Variants in TENM4 observed in about 807,000 individuals in gnomAD.
TENM4 encodes the protein teneurin transmembrane protein 4, also known as teneurin-4.
In TENM4, 82 loss-of-function variants were observed where a neutral mutation model predicts 243.3. The ratio of observed to expected loss-of-function variants is 0.34; its 90% CI spans 0.28 to 0.40. The LOEUF is 0.40. Among genes scored for constraint, TENM4 ranks in the 10% least tolerant of loss-of-function variants. TENM4 has a pLI of 1.00. For synonymous variants in TENM4, 1,412 were observed against 1,456.3 expected, an observed-to-expected ratio of 0.97 and a Z score of 0.69; for missense variants, 3,138 against 3,673.3, an observed-to-expected ratio of 0.85 and a Z score of 3.77.
At chr11:79,331,783 G>A (rs1339687536) in intron 1 of TENM4, among the ~76,000 whole-genome samples, 1 of 152,240 alleles carries the variant, frequency 6.6e-6, no homozygotes, top group Non-Finnish European at 1.5e-5. Flanking sequence ...CCTCGCAGGG[G>A]CTGAGAGCTC....
At chr11:79,402,847 G>C (rs984032708) in intron 1 of TENM4, among the ~76,000 whole-genome samples, 1 of 152,186 alleles carries the variant, frequency 6.6e-6, no homozygotes, top group Non-Finnish European at 1.5e-5. Flanking sequence ...TTCTTTGGTA[G>C]ACACTAGCAT....
intron 2 of TENM4, among the ~76,000 whole-genome samples, chr11:79,283,497 C>CCT (rs1856195708): frequency 6.6e-6 from 1 of 152,170 alleles, no homozygotes; most frequent in East Asian, 1.9e-4. Flanking sequence ...GGAAAAAGCA[C>CCT]TTCACAAAAT....
At chr11:78,884,740 C>G (rs148711825) in intron 9 of TENM4, among the ~76,000 whole-genome samples, 78 of 152,308 alleles carry the variant, frequency 5.1e-4, no homozygotes, top group Admixed American at 2.1e-3. Context: ...TTACAGCATA[C>G]AGGTTAAAAG....
At chr11:79,344,558 G>C (rs1408177065) in intron 1 of TENM4, among the ~76,000 whole-genome samples, 1 of 152,238 alleles carries the variant, frequency 6.6e-6, no homozygotes, top group Admixed American at 6.5e-5. Flanking sequence ...TGACCAGGTA[G>C]ACTGGCACTG....
At chr11:79,386,949 G>A (rs1228793300) in intron 1 of TENM4, among the ~76,000 whole-genome samples, 1 of 152,052 alleles carries the variant, frequency 6.6e-6, no homozygotes, top group Non-Finnish European at 1.5e-5. Context: ...ACATGCATAA[G>A]AATGTTCACC....
intron 3 of TENM4, among the ~76,000 whole-genome samples, chr11:79,208,740 T>C (rs901877722): frequency 9.2e-5 from 14 of 152,218 alleles, no homozygotes; most frequent in African/African-American, 2.9e-4. Context: ...GCACGGTGGC[T>C]GACATCTAAT....
intron 4 of TENM4, among the ~76,000 whole-genome samples, chr11:79,110,724 C>A (rs1861484106): frequency 6.6e-6 from 1 of 152,124 alleles, no homozygotes; most frequent in African/African-American, 2.4e-5. Flanking sequence ...CAGGCTCCCA[C>A]CTGGGAGGAT....
At position 79,131,860 on chromosome 11, in the gene TENM4, G is replaced by C. The variant is rs139060283; in HGVS notation, c.-66+16850C>G. 4.0e-3 allele frequency among the ~76,000 whole-genome samples: 601 copies of C among 152,104 alleles called. 2 individuals are homozygous for C. Among genetic ancestry groups the C allele is most frequent in the African/African-American group, 0.014 (562 of 41,476 alleles). ...GTGGGAAAAGGCATTTCATACAAAT[G>C]GACACCAAAAGCCAGCAGGGGTAGC... On this transcript the variant is annotated intron_variant, in intron 4 of 33. Transcript: ENST00000278550.
intron 2 of TENM4, among the ~76,000 whole-genome samples, chr11:79,268,906 T>C (rs1398666880): frequency 6.6e-6 from 1 of 152,226 alleles, no homozygotes; most frequent in Non-Finnish European, 1.5e-5. Context: ...ATGTGCTAGA[T>C]AAGCTTCATT....
intron 6 of TENM4, among the ~76,000 whole-genome samples, chr11:78,915,966 A>G (rs73500657): frequency 3.3e-5 from 5 of 152,204 alleles, no homozygotes; most frequent in Non-Finnish European, 7.4e-5. Context: ...GCAGTATTGC[A>G]TGGTGGGTAA....
chr11:78,995,345 T>C (rs1341413604), intron 6 of TENM4, among the ~76,000 whole-genome samples: 6 of 152,022 alleles, frequency 3.9e-5, no homozygotes, highest in Non-Finnish European at 8.8e-5. Flanking sequence ...GGGGGAGCCA[T>C]GGAAAGCTTT....
chr11:78,777,206 G>C (rs1856755659), intron 17 of TENM4, among the ~76,000 whole-genome samples: 1 of 152,162 alleles, frequency 6.6e-6, no homozygotes, highest in African/African-American at 2.4e-5. Flanking sequence ...TGTTTTTAAA[G>C]AGGCTAGGAA....
At chr11:79,289,768 T>G (rs544081869) in intron 2 of TENM4, among the ~76,000 whole-genome samples, 1 of 152,362 alleles carries the variant, frequency 6.6e-6, no homozygotes, top group East Asian at 1.9e-4. Context: ...TCTGCTTAGC[T>G]AATAGCTTGT....
chr11:79,401,981 G>C (rs762635345), intron 1 of TENM4: 1 of 369,448 alleles, frequency 2.7e-6, no homozygotes. Context: ...GATCCCTCAG[G>C]GAGGGTGTGC....
intron 3 of TENM4, among the ~76,000 whole-genome samples, chr11:79,171,260 AG>A (rs1455824348): frequency 6.6e-6 from 1 of 152,220 alleles, no homozygotes; most frequent in Non-Finnish European, 1.5e-5. Context: ...TGCCTCACCC[AG>A]TATATGGTAT....
rs890371748 is a variant in TENM4 at position 79,176,033 on chromosome 11, G to A, written c.-162-27227C>T. On this transcript the variant is annotated intron_variant, in intron 3 of 33. Coordinates refer to ENST00000278550, the MANE Select transcript of TENM4 (RefSeq NM_001098816.3). ...CCTGAGCCCAGGAGGTCGAGGCTGC[G>A]GTGAGCCGTGATCACACCACTGCAC... 1.1e-4 allele frequency among the ~76,000 whole-genome samples: 16 copies of A among 152,244 alleles called. No individual in the cohort carries two copies. In the East Asian group the frequency reaches 2.9e-3, roughly 28 times the overall value.
At chr11:79,302,342 AC>A (rs1856562620) in intron 1 of TENM4, among the ~76,000 whole-genome samples, 1 of 152,162 alleles carries the variant, frequency 6.6e-6, no homozygotes, top group South Asian at 2.1e-4. Context: ...GGCTTGGGCA[AC>A]CACAAGTACA....
At chr11:78,937,168 T>A (rs1856804085) in intron 6 of TENM4, among the ~76,000 whole-genome samples, 1 of 152,042 alleles carries the variant, frequency 6.6e-6, no homozygotes, top group Non-Finnish European at 1.5e-5. Context: ...TCCTGGAGGT[T>A]CAGAAAGCTG....
intron 6 of TENM4, among the ~76,000 whole-genome samples, chr11:79,056,486 G>A (rs940323248): frequency 2.9e-4 from 44 of 152,186 alleles, no homozygotes; most frequent in African/African-American, 7.7e-4. Flanking sequence ...GCTAGTAGCC[G>A]TCAGTGTTGG....
Sources: allele counts gnomAD v4.1 joint callset (sites outside exome capture counted in the v4.1 genomes callset), GRCh38; gene constraint gnomAD v4.1.1; transcripts MANE v1.5; gene names NCBI Gene and HGNC (gene_info 2026-07-23, HGNC 2026-07-21).